The following ZNF420 variants were observed in gnomAD, a reference collection of about 807,000 sequenced individuals.
The protein encoded by ZNF420 is zinc finger protein 420, also known as ATM and p53-associated KZNF protein.
ZNF420 carries 31 observed loss-of-function variants against 44.7 expected under a neutral mutation model. The ratio of observed to expected loss-of-function variants is 0.69; its 90% CI spans 0.52 to 0.94. The LOEUF is 0.94. Ranked by LOEUF, ZNF420 falls within the 40% of genes least tolerant of loss-of-function variation. The pLI is 0.00. For missense variants in ZNF420, 681 were observed against 827.9 expected, an observed-to-expected ratio of 0.82 and a Z score of 2.18; for synonymous variants, 245 against 267.4, an observed-to-expected ratio of 0.92 and a Z score of 0.82.
intron 4 of ZNF420, among the ~76,000 whole-genome samples, chr19:37,103,704 G>A (rs1197987119): frequency 4.6e-5 from 7 of 151,976 alleles, no homozygotes; most frequent in South Asian, 4.2e-4. Flanking sequence ...CTTGTATACT[G>A]AATTCCATTC....
intron 4 of ZNF420, among the ~76,000 whole-genome samples, chr19:37,122,239 T>G (rs1971087117): frequency 6.6e-6 from 1 of 152,070 alleles, no homozygotes; most frequent in Non-Finnish European, 1.5e-5. Context: ...ATAGACTGGA[T>G]TAAGAAAATG....
At position 37,127,691 on chromosome 19, in the gene ZNF420, C is replaced by T. The variant is rs766393282; in HGVS notation, c.700C>T (p.Arg234Cys). 11 of 1,613,874 alleles carry T rather than the reference C, an allele frequency of 6.8e-6. No individual in the cohort carries two copies. The highest frequency in any genetic ancestry group is 2.7e-5 in the African/African-American group (2 of 74,994). ...TGAAGAATGTGGGAAAGCCTTTATTCGTAGCTCACAACTTACCCGACATCA... is the reference window on the plus strand; with the variant it reads ...TGAAGAATGTGGGAAAGCCTTTATTTGTAGCTCACAACTTACCCGACATCA... Reference protein sequence around the residue: ...KCEECGKAFIRSSQLTRHQKV... With the variant: ...KCEECGKAFICSSQLTRHQKV... Residue 234 changes from arginine (R) to cysteine (C), a missense_variant, in exon 5 of 5, where the codon CGT (arginine) becomes TGT (cysteine). Physicochemically the swap from Arg to Cys is radical, Grantham distance 180. Coordinates refer to ENST00000337995, the MANE Select transcript of ZNF420 (RefSeq NM_144689.5).
chr19:37,009,440 T>G (rs958752117), intron 1 of ZNF420, among the ~76,000 whole-genome samples: 1 of 152,162 alleles, frequency 6.6e-6, no homozygotes, highest in Non-Finnish European at 1.5e-5. Context: ...GGCACATGCC[T>G]GGACACCAGT....
intron 1 of ZNF420, among the ~76,000 whole-genome samples, chr19:37,031,010 C>A (rs888030331): frequency 5.9e-5 from 9 of 152,058 alleles, no homozygotes; most frequent in African/African-American, 2.2e-4. Flanking sequence ...GCCCCCCCAC[C>A]ACGCCCGGCT....
At chr19:37,059,502 G>C (rs1017143688) in intron 1 of ZNF420, among the ~76,000 whole-genome samples, 1 of 152,212 alleles carries the variant, frequency 6.6e-6, no homozygotes, top group South Asian at 2.1e-4. Flanking sequence ...CTCTCCACGG[G>C]GTCGACAGGA....
At chr19:37,082,193 C>T (rs1968506049) in intron 2 of ZNF420, among the ~76,000 whole-genome samples, 1 of 152,022 alleles carries the variant, frequency 6.6e-6, no homozygotes, top group South Asian at 2.1e-4. Flanking sequence ...GACAGAGTCT[C>T]ACTCTGTCAC....
chr19:37,101,671 C>T (rs1969784287), intron 4 of ZNF420, among the ~76,000 whole-genome samples: 1 of 152,242 alleles, frequency 6.6e-6, no homozygotes, highest in Non-Finnish European at 1.5e-5. Context: ...TTCCTGCTAG[C>T]CTTGCAAGGG....
chr19:37,110,688 T>G (rs1292480501), intron 4 of ZNF420, among the ~76,000 whole-genome samples: 2 of 148,988 alleles, frequency 1.3e-5, no homozygotes, highest in Admixed American at 1.3e-4. Flanking sequence ...ATCAAAATCT[T>G]ATAACACTGT....
intron 1 of ZNF420, among the ~76,000 whole-genome samples, chr19:37,045,499 T>C (rs1461922868): frequency 6.6e-6 from 1 of 151,980 alleles, no homozygotes; most frequent in African/African-American, 2.4e-5. Flanking sequence ...CAAGTAAGAG[T>C]GGATTTGTTA....
chr19:37,051,059 C>T (rs1205329377), intron 1 of ZNF420, among the ~76,000 whole-genome samples: 1 of 152,124 alleles, frequency 6.6e-6, no homozygotes, highest in Non-Finnish European at 1.5e-5. Flanking sequence ...CCTTGCATGC[C>T]AGGGATGAAG....
At chr19:37,034,062 A>ATT (rs1217488745) in intron 1 of ZNF420, among the ~76,000 whole-genome samples, 4 of 137,618 alleles carry the variant, frequency 2.9e-5, no homozygotes, top group African/African-American at 5.3e-5. Flanking sequence ...CCTATGTTCC[A>ATT]TTTTTTTTTT....
chr19:37,037,961 T>A (rs2146406051), intron 1 of ZNF420, among the ~76,000 whole-genome samples: 1 of 152,180 alleles, frequency 6.6e-6, no homozygotes, highest in South Asian at 2.1e-4. Flanking sequence ...GTGGGTGGTT[T>A]ATTTGGGAAG....
intron 1 of ZNF420, among the ~76,000 whole-genome samples, chr19:37,016,243 G>A (rs1347185036): frequency 2.0e-5 from 3 of 152,132 alleles, no homozygotes; most frequent in Admixed American, 6.5e-5. Context: ...CTTTCTTATT[G>A]TTGAGTGATC....
Position 37,129,161 on chromosome 19 carries a change from C to G in ZNF420, c.*103C>G. 7.3e-7 allele frequency: 1 copy of G among 1,371,300 alleles called. No individual in the cohort carries two copies. The highest frequency in any genetic ancestry group is 9.9e-7 in the Non-Finnish European group (1 of 1,009,060). 84.9% of individuals were successfully genotyped at this position (1,371,300 alleles called of 1,614,324 possible). ...GGGCGCACATTTGCCTCATAAAGCA[C>G]AGCATCAGATAATTTATGTGAGAGA... On this transcript the variant is annotated 3_prime_UTR_variant, in exon 5 of 5. Transcript: ENST00000337995.
chr19:37,066,638 C>G (rs1051210951), intron 1 of ZNF420, among the ~76,000 whole-genome samples: 3 of 152,110 alleles, frequency 2.0e-5, no homozygotes, highest in African/African-American at 7.2e-5. Flanking sequence ...AGAAAGACAG[C>G]ACCAAATGTT....
intron 4 of ZNF420, among the ~76,000 whole-genome samples, chr19:37,122,301 A>T (rs1339987488): frequency 6.6e-6 from 1 of 151,766 alleles, no homozygotes; most frequent in Non-Finnish European, 1.5e-5. Context: ...TGATGAGTTC[A>T]TGTCCTTTAT....
At position 37,112,892 on chromosome 19, in the gene ZNF420, C is replaced by T. The variant is rs1970455971; in HGVS notation, c.137-14236C>T. Among the ~76,000 whole-genome samples the T allele has an allele frequency of 2.6e-5, 4 of 152,276 alleles. No homozygotes were observed. The South Asian group carries it at 6.2e-4, about 24-fold the overall frequency. On this transcript the variant is annotated intron_variant, in intron 4 of 4. Coordinates refer to ENST00000337995, the MANE Select transcript of ZNF420 (RefSeq NM_144689.5). ...CCCTCAGGCCGTGGGCCATATATCCCTGTGGGGATTTTTTTGTGGGGGCTC... is the reference window on the plus strand; with the variant it reads ...CCCTCAGGCCGTGGGCCATATATCCTTGTGGGGATTTTTTTGTGGGGGCTC...
chr19:37,070,510 A>G (rs1409273282), intron 1 of ZNF420, among the ~76,000 whole-genome samples: 5 of 152,238 alleles, frequency 3.3e-5, no homozygotes, highest in African/African-American at 4.8e-5. Flanking sequence ...TTTTCAACAC[A>G]TATAGTTGAT....
chr19:37,068,183 A>T (rs1039220974), intron 1 of ZNF420, among the ~76,000 whole-genome samples: 9 of 152,176 alleles, frequency 5.9e-5, no homozygotes, highest in Non-Finnish European at 1.0e-4. Flanking sequence ...ATGTCCTGTT[A>T]AATATTTTGC....
Sources: gnomAD v4.1 joint callset for allele counts (sites outside exome capture counted in the v4.1 genomes callset) on GRCh38, gnomAD v4.1.1 for gene constraint, MANE v1.5 for transcripts, NCBI Gene and HGNC (gene_info 2026-07-23, HGNC 2026-07-21) for gene names.